Variants in RNF213 observed in about 807,000 individuals in gnomAD.
RNF213 encodes ring finger protein 213.
A neutral mutation model predicts 514.4 loss-of-function variants in RNF213; 341 were observed. The ratio of observed to expected loss-of-function variants is 0.66; its 90% CI spans 0.61 to 0.73. RNF213 has a LOEUF of 0.73. Ranked by LOEUF, RNF213 falls within the 30% of genes least tolerant of loss-of-function variation. RNF213 has a pLI of 0.00. For synonymous variants in RNF213, 2,655 were observed against 2,658.2 expected (o/e 1.00, Z 0.04); for missense variants, 5,767 against 6,615.6 (o/e 0.87, Z 4.45).
At chr17:80,295,983 C>CT (rs1304946104) in intron 10 of RNF213, among the ~76,000 whole-genome samples, 170 bp downstream of exon 10, 14 of 152,096 alleles carry the variant, frequency 9.2e-5, no homozygotes, top group Admixed American at 9.2e-4. Flanking sequence ...TAGCATCTGT[C>CT]TTATTTTTAT....
At position 80,353,357 on chromosome 17, in the gene RNF213, ATGACCG is replaced by A. The variant is rs1276335306; in HGVS notation, c.10424-151_10424-146del. 2.2e-6 allele frequency: 2 copies of A among 927,154 alleles called. No individual in the cohort carries two copies. Among genetic ancestry groups the A allele is most frequent in the Non-Finnish European group, 3.4e-6 (2 of 593,274 alleles). The allele number at this position is 927,154 out of a possible 1,614,324, so 57.4% of individuals were successfully genotyped here. ...GGGGCTGCCTTGGGGGCTGATCTTCATGACCGTGATCTCTCATCTGGGGACCTAGCA... is the reference window on the plus strand; with the variant it reads ...GGGGCTGCCTTGGGGGCTGATCTTCATGATCTCTCATCTGGGGACCTAGCA... On this transcript the variant is annotated intron_variant, in intron 33 of 67. Coordinates refer to ENST00000582970, the MANE Select transcript of RNF213 (RefSeq NM_001256071.3). The surrounding 1 kb of genome is among the most constrained non-coding windows in gnomAD (Gnocchi z 5.0).
chr17:80,342,717 A>T (rs1411309779), intron 26 of RNF213, among the ~76,000 whole-genome samples: 4 of 144,662 alleles, frequency 2.8e-5, no homozygotes, highest in Non-Finnish European at 6.0e-5. Flanking sequence ...ATACATATAT[A>T]GTATGTATAT....
rs1156327764 is a variant in RNF213, at chr17:80,394,881, C to G, written c.*1383C>G. ...AGTCATCTGTGATTGTTTTATCACTCTGGACTGTGCAGAGCCACCTGCCAC... is the reference window on the plus strand; with the variant it reads ...AGTCATCTGTGATTGTTTTATCACTGTGGACTGTGCAGAGCCACCTGCCAC... On this transcript the variant is annotated 3_prime_UTR_variant, in exon 68 of 68. Coordinates refer to ENST00000582970, the MANE Select transcript of RNF213 (RefSeq NM_001256071.3). 2 of 152,140 alleles carry G rather than the reference C, an allele frequency of 1.3e-5. No individual in the cohort carries two copies. The highest frequency in any genetic ancestry group is 2.9e-5 in the Non-Finnish European group (2 of 68,044). 9.4% of individuals were successfully genotyped at this position (152,140 alleles called of 1,614,324 possible). A position where few individuals can be genotyped will look rare whatever the true frequency, so the allele number is the denominator to read the frequency against.
In RNF213 at chr17:80,374,448, T is replaced by C. The variant is rs1173178083; in HGVS notation, c.12943-10T>C. 6.2e-7 allele frequency: 1 copy of C among 1,613,964 alleles called. No individual in the cohort carries two copies. The highest frequency in any genetic ancestry group is 1.3e-5 in the African/African-American group (1 of 74,922). On this transcript the variant is annotated splice_polypyrimidine_tract_variant and intron_variant, in intron 49 of 67. Transcript: ENST00000582970. Reference sequence around the variant, plus strand: ...CCATTGTTCACCCCCAACTAACCTCTGTATTCCAGGGGCTGCGGCAGGACC... The same window carrying C: ...CCATTGTTCACCCCCAACTAACCTCCGTATTCCAGGGGCTGCGGCAGGACC...
At chr17:80,387,770 C>T (rs1371949673) in intron 63 of RNF213, among the ~76,000 whole-genome samples, 1 of 152,176 alleles carries the variant, frequency 6.6e-6, no homozygotes, top group African/African-American at 2.4e-5. Flanking sequence ...GCCCTGCCTC[C>T]AGCCACTTAG....
rs1468713408 is a variant in RNF213 at position 80,375,468 on chromosome 17, G to A, written c.13075-292G>A. The stretch of plus-strand genomic sequence containing the variant: ...TATAATCCTAGCACTTTGGGAGGCC[G>A]AGGCATGCAGATCACAAGGTCAGGA... On this transcript the variant is annotated intron_variant, in intron 50 of 67. Transcript: ENST00000582970. 2.6e-5 allele frequency among the ~76,000 whole-genome samples: 4 copies of A among 151,960 alleles called. 1 individual carries two copies. The highest frequency in any genetic ancestry group is 2.1e-4 in the South Asian group (1 of 4,820).
intron 23 of RNF213, chr17:80,336,904 A>AAAAAG (rs533775518): frequency 5.0e-6 from 1 of 198,238 alleles, no homozygotes; most frequent in Non-Finnish European, 1.0e-5. Flanking sequence ...CTGTCTCAAA[A>AAAAAG]AAAAGAAAAG....
chr17:80,294,705 T>A lies in RNF213; in HGVS notation c.1472-15T>A, dbSNP rs1322821364. ...ATGGTCTTAGGTAGGCTCTTGTTCC[T>A]TCTGTCCCTCTTAGACTGGCATCAG... On this transcript the variant is annotated splice_polypyrimidine_tract_variant and intron_variant, in intron 8 of 67. Transcript: ENST00000582970. 6.2e-7 allele frequency: 1 copy of A among 1,613,574 alleles called. No individual in the cohort carries two copies. The highest frequency in any genetic ancestry group is 8.5e-7 in the Non-Finnish European group (1 of 1,180,048).
At position 80,315,778 on chromosome 17, in the gene RNF213, G is replaced by GAGGTGGTGGAGGTACTGGAGGTGA. The variant is rs2045910253; in HGVS notation, c.2812-1410_2812-1409insAGGTGGTGGAGGTACTGGAGGTGA. On this transcript the variant is annotated intron_variant, in intron 15 of 67. Coordinates refer to ENST00000582970, the MANE Select transcript of RNF213 (RefSeq NM_001256071.3). ...GGTGACAGTGGTGATGCTGGTGGTGGTGGTGGTGGTGGTGGTGGTGGTGGA... is the reference window on the plus strand; with the variant it reads ...GGTGACAGTGGTGATGCTGGTGGTGGAGGTGGTGGAGGTACTGGAGGTGATGGTGGTGGTGGTGGTGGTGGTGGA... 1.2e-4 allele frequency: 5 copies of GAGGTGGTGGAGGTACTGGAGGTGA among 40,398 alleles called. 2 individuals are homozygous for GAGGTGGTGGAGGTACTGGAGGTGA. Among genetic ancestry groups the GAGGTGGTGGAGGTACTGGAGGTGA allele is most frequent in the Non-Finnish European group, 1.7e-4 (3 of 18,012 alleles). 2.5% of individuals were successfully genotyped at this position (40,398 alleles called of 1,614,324 possible). A position where few individuals can be genotyped will look rare whatever the true frequency, so the allele number is the denominator to read the frequency against.
intron 29 of RNF213, among the ~76,000 whole-genome samples, chr17:80,348,552 G>A (rs1420166098): frequency 1.3e-5 from 2 of 152,254 alleles, no homozygotes; most frequent in Non-Finnish European, 2.9e-5. Flanking sequence ...TCCCAGGACT[G>A]GGCCAAGGGC....
chr17:80,275,027 GGT>G (rs543372723), intron 3 of RNF213, among the ~76,000 whole-genome samples: 16 of 133,386 alleles, frequency 1.2e-4, no homozygotes, highest in Admixed American at 2.2e-4. Context: ...GTGTGAGTGG[GGT>G]GTGTGTGTGT....
chr17:80,329,953 C>T (rs530637503), intron 20 of RNF213, among the ~76,000 whole-genome samples: 1 of 152,164 alleles, frequency 6.6e-6, no homozygotes, highest in Non-Finnish European at 1.5e-5. Context: ...TCTTCTCTTG[C>T]TGGAATTCCT....
chr17:80,329,103 C>T (rs765593017), intron 20 of RNF213, among the ~76,000 whole-genome samples: 4 of 152,204 alleles, frequency 2.6e-5, no homozygotes, highest in East Asian at 1.9e-4. Flanking sequence ...GGGCTGCAGA[C>T]GTAGGGTGGA....
chr17:80,370,184 C>T (rs564449403), intron 46 of RNF213, among the ~76,000 whole-genome samples: 4 of 152,300 alleles, frequency 2.6e-5, no homozygotes, highest in African/African-American at 4.8e-5. Flanking sequence ...TCCACAGCAG[C>T]GCAACTTTCT....
In RNF213 at chr17:80,348,038, G is replaced by C; in HGVS notation, c.9703G>C (p.Glu3235Gln). The change falls in exon 29 of 68, where the codon GAG becomes CAG. Residue 3235 changes from glutamate to glutamine, a missense_variant. By Grantham distance (29) the Glu-to-Gln change is conservative (BLOSUM62 2). Around this residue, in one of 13 missense-constraint regions of RNF213, gnomAD observed 919 missense variants for 1,121.0 expected, o/e 0.82. Transcript: ENST00000582970. ...CGCGTCTGTGGTGCTGCAGGTCATA[G>C]AGAGGCAGGGTCCCCGGGCCTTGAC... ...ACASVVLQVI[E>Q]RQGPRALTEE... The C allele has an allele frequency of 6.2e-7, 1 of 1,614,180 alleles. No homozygotes were observed. Among genetic ancestry groups the C allele is most frequent in the South Asian group, 1.1e-5 (1 of 91,086 alleles).
At chr17:80,387,404 C>T (rs1162397448) in intron 63 of RNF213, among the ~76,000 whole-genome samples, 3 of 152,200 alleles carry the variant, frequency 2.0e-5, no homozygotes, top group East Asian at 1.9e-4. Context: ...CTGCACCCAG[C>T]TGATTGTTGA....
At chr17:80,374,723 C>G (rs1438851699) in intron 50 of RNF213, 134 bp downstream of exon 50, 3 of 1,079,610 alleles carry the variant, frequency 2.8e-6, no homozygotes, top group Non-Finnish European at 4.1e-6. Flanking sequence ...TATTGGAAGT[C>G]ACGTGCCCAC....
chr17:80,337,732 C>G lies in RNF213; in HGVS notation c.4668+6C>G, dbSNP rs78795452. The stretch of plus-strand genomic sequence containing the variant: ...CGCCCAAAGGTGGCCAAAAGGTGAG[C>G]GGTCCCCAGCCCTCGGCGCAGCTGC... On this transcript the variant is annotated splice_donor_region_variant and intron_variant, in intron 24 of 67. Transcript: ENST00000582970. The G allele has an allele frequency of 6.5e-7, 1 of 1,537,170 alleles. No homozygotes were observed. Among genetic ancestry groups the G allele is most frequent in the African/African-American group, 1.4e-5 (1 of 73,062 alleles).
intron 25 of RNF213, 58 bp downstream of exon 25, chr17:80,338,055 C>T: frequency 1.3e-6 from 2 of 1,521,066 alleles, no homozygotes; most frequent in Non-Finnish European, 1.8e-6. Flanking sequence ...TCCGTGAGGG[C>T]TGTGTACTCC....
Sources: gnomAD v4.1 joint callset for allele counts (sites outside exome capture counted in the v4.1 genomes callset) on GRCh38, gnomAD v4.1.1 for gene constraint, gnomAD v4.1.1 regional missense constraint, Gnocchi (gnomAD v3.1) non-coding constraint, MANE v1.5 for transcripts, NCBI Gene and HGNC (gene_info 2026-07-23, HGNC 2026-07-21) for gene names.